The following KIF24 variants were observed in gnomAD, a reference collection of about 807,000 sequenced individuals.
KIF24 encodes the protein kinesin family member 24.
Under a neutral mutation model 118.9 loss-of-function variants are expected in KIF24, and 81 were observed. The ratio of observed to expected loss-of-function variants is 0.68; its 90% CI spans 0.57 to 0.82. The LOEUF is 0.82. Ranked by LOEUF, KIF24 falls within the 40% of genes least tolerant of loss-of-function variation. The pLI is 0.00. For missense variants in KIF24, 1,560 were observed against 1,661.6 expected (o/e 0.94, Z 1.06); for synonymous variants, 599 against 610.0 (o/e 0.98, Z 0.27).
intron 6 of KIF24, among the ~76,000 whole-genome samples, chr9:34,278,868 GCA>G (rs1835748791): frequency 6.6e-6 from 1 of 152,188 alleles, no homozygotes; most frequent in African/African-American, 2.4e-5. Context: ...TGTAATCCCA[GCA>G]CTTTGGGAGG....
At chr9:34,296,936 G>C in intron 4 of KIF24, 81 bp downstream of exon 4, 1 of 676,390 alleles carries the variant, frequency 1.5e-6, no homozygotes, top group South Asian at 1.9e-5. Flanking sequence ...GTACTGAAAA[G>C]CATGTGATAT....
intron 7 of KIF24, among the ~76,000 whole-genome samples, chr9:34,269,931 T>A (rs773683707): frequency 1.3e-5 from 2 of 151,166 alleles, no homozygotes; most frequent in South Asian, 4.2e-4. Context: ...TCTTAAAAAA[T>A]TCTAAAAACT....
At chr9:34,319,285 G>A in intron 1 of KIF24, 1 of 1,079,918 alleles carries the variant, frequency 9.3e-7, no homozygotes, top group Admixed American at 1.7e-5. Flanking sequence ...GATCTGGATG[G>A]GGAAGAAGCA....
intron 3 of KIF24, among the ~76,000 whole-genome samples, chr9:34,303,128 T>C (rs2131794858): frequency 6.6e-6 from 1 of 152,002 alleles, no homozygotes; most frequent in East Asian, 1.9e-4. Context: ...TTACCCAGGC[T>C]GGTTTTGAAC....
At chr9:34,259,445 C>T (rs1391623558) in intron 10 of KIF24, 151 bp downstream of exon 10, 1 of 583,464 alleles carries the variant, frequency 1.7e-6, no homozygotes, top group African/African-American at 1.9e-5. Context: ...GGCTGTGGCG[C>T]TCAAGGTCAG....
At position 34,255,732 on chromosome 9, in the gene KIF24, T is replaced by TA. The variant is rs1209390573; in HGVS notation, c.3872+2dup. The TA allele has an allele frequency of 5.6e-6, 9 of 1,604,672 alleles. No individual in the cohort carries two copies. The highest frequency in any genetic ancestry group is 2.7e-5 in the African/African-American group (2 of 74,826). ...CAAGTCTTAGGGAAAGTGTCCAACT[T>TA]ACTGCGCTTGCTCCAGGGTGGGCTG... On this transcript the variant is annotated splice_region_variant and intron_variant, in intron 11 of 12. Coordinates refer to ENST00000402558, the MANE Select transcript of KIF24 (RefSeq NM_194313.4).
Position 34,256,171 on chromosome 9 carries a change from T to G in KIF24, c.3436A>C (p.Arg1146=), listed in dbSNP as rs1469063452. The part of the protein sequence containing the change: ...RQHPADKLPS[R]EADLGEACQS... ...CAGGCCTCTCCTAGGTCTGCCTCCC[T>G]GCTGGGCAGCTTGTCAGCTGGGTGC... Residue 1146 remains arginine, a synonymous_variant, in exon 11 of 13, where the codon AGG becomes CGG. Transcript: ENST00000402558. 9 of 1,604,180 alleles carry G rather than the reference T, an allele frequency of 5.6e-6. No homozygotes were observed. The South Asian group carries it at 7.8e-5, about 14-fold the overall frequency.
At chr9:34,291,510 C>G (rs973136873) in intron 4 of KIF24, among the ~76,000 whole-genome samples, 11 of 152,206 alleles carry the variant, frequency 7.2e-5, no homozygotes, top group Non-Finnish European at 1.2e-4. Context: ...TTGTGATGCC[C>G]TATGATTCTA....
chr9:34,307,206 T>C (rs909892324), intron 2 of KIF24, among the ~76,000 whole-genome samples: 1 of 152,112 alleles, frequency 6.6e-6, no homozygotes, highest in Non-Finnish European at 1.5e-5. Context: ...GCTAGGACTA[T>C]AGCATACAAC....
intron 3 of KIF24, among the ~76,000 whole-genome samples, chr9:34,299,936 G>A (rs1836636019): frequency 6.6e-6 from 1 of 151,954 alleles, no homozygotes; most frequent in South Asian, 2.1e-4. Context: ...CATACACCAT[G>A]AATGACAGAT....
At chr9:34,305,166 A>G (rs1454811967) in intron 3 of KIF24, among the ~76,000 whole-genome samples, 1 of 152,224 alleles carries the variant, frequency 6.6e-6, no homozygotes, top group African/African-American at 2.4e-5. Flanking sequence ...TCAGCTTGGA[A>G]TAAGTTTCTT....
chr9:34,296,231 A>C (rs950899469), intron 4 of KIF24, among the ~76,000 whole-genome samples: 3 of 137,646 alleles, frequency 2.2e-5, no homozygotes, highest in East Asian at 2.2e-4. Context: ...AAAAAAAAAA[A>C]AAAACATCTA....
rs1488744860 is a variant in KIF24, at chr9:34,259,704, A to G, written c.1517T>C (p.Val506Ala). The change falls in exon 10 of 13, where the codon GTC (valine) becomes GCC (alanine). Residue 506 changes from valine (V) to alanine (A), a missense_variant and splice_region_variant. Around this residue, in one of 3 missense-constraint regions of KIF24, gnomAD observed 964 missense variants for 988.0 expected, o/e 0.98. Transcript: ENST00000402558. Reference protein sequence around the residue: ...TPFRQSKLTQVLKDSFIGNAK... With the variant: ...TPFRQSKLTQALKDSFIGNAK... Reference sequence around the variant, plus strand: ...ATTGCCGATGAAAGAGTCCTTCAGGACCTGTCCAAAACAGAAGGCAGGTCA... The same window carrying G: ...ATTGCCGATGAAAGAGTCCTTCAGGGCCTGTCCAAAACAGAAGGCAGGTCA... 6.2e-7 allele frequency: 1 copy of G among 1,610,420 alleles called. No individual in the cohort carries two copies. The highest frequency in any genetic ancestry group is 1.7e-4 in the Middle Eastern group (1 of 6,054).
chr9:34,253,876 C>T lies in KIF24; in HGVS notation c.*504G>A, dbSNP rs1400376602. On this transcript the variant is annotated 3_prime_UTR_variant, in exon 13 of 13. Coordinates refer to ENST00000402558, the MANE Select transcript of KIF24 (RefSeq NM_194313.4). ...AGGGCTGATGGGGCAGAGCTCACCC[C>T]ACCCCTGTCCCCCTAGCACCAATGG... 1 of 152,654 alleles carries T rather than the reference C, an allele frequency of 6.6e-6. No individual in the cohort carries two copies. Among genetic ancestry groups the T allele is most frequent in the African/African-American group, 2.4e-5 (1 of 41,474 alleles). 9.5% of individuals were successfully genotyped at this position (152,654 alleles called of 1,614,324 possible). A position where few individuals can be genotyped will look rare whatever the true frequency, so the allele number is the denominator to read the frequency against.
chr9:34,299,823 CGTGTGTGTGT>C (rs34056151), intron 3 of KIF24, among the ~76,000 whole-genome samples: 71 of 133,264 alleles, frequency 5.3e-4, no homozygotes, highest in Middle Eastern at 8.0e-3. Flanking sequence ...TGTGTGTGTG[CGTGTGTGTGT>C]GTGTGTGTGT....
At chr9:34,302,502 G>T (rs1162955795) in intron 3 of KIF24, among the ~76,000 whole-genome samples, 1 of 149,040 alleles carries the variant, frequency 6.7e-6, no homozygotes, top group Non-Finnish European at 1.5e-5. Context: ...GTCTCACTCT[G>T]TTGCCCAGGC....
At position 34,290,245 on chromosome 9, in the gene KIF24, G is replaced by A; in HGVS notation, c.1056C>T (p.His352=). The change falls in exon 5 of 13, where the codon CAC becomes CAT. Residue 352 remains histidine (H), a synonymous_variant. Transcript: ENST00000402558. ...CATAGAAGCTGATCCACACAAAGAGGTGCTTTCTTGGCTGGGACACTTCTA... is the reference window on the plus strand; with the variant it reads ...CATAGAAGCTGATCCACACAAAGAGATGCTTTCTTGGCTGGGACACTTCTA... ...RQLEVSQPRK[H]LFVWISFYEI... is the part of the protein sequence containing the mutation. 2 of 1,613,938 alleles carry A rather than the reference G, an allele frequency of 1.2e-6. No individual in the cohort carries two copies. Among genetic ancestry groups the A allele is most frequent in the Non-Finnish European group, 1.7e-6 (2 of 1,179,860 alleles).
chr9:34,330,209 C>T (rs956554008), upstream of KIF24, among the ~76,000 whole-genome samples: 1 of 152,242 alleles, frequency 6.6e-6, no homozygotes, highest in South Asian at 2.1e-4. Flanking sequence ...CGAGACCATC[C>T]TGGCTAACAC....
chr9:34,333,580 G>C (rs1231252678), upstream of KIF24, among the ~76,000 whole-genome samples: 1 of 136,296 alleles, frequency 7.3e-6, no homozygotes, highest in Non-Finnish European at 1.5e-5. Flanking sequence ...GTGAGCTCTT[G>C]AGGCTGCAGT....
Sources: gnomAD v4.1 joint callset for allele counts (sites outside exome capture counted in the v4.1 genomes callset) on GRCh38, gnomAD v4.1.1 for gene constraint, gnomAD v4.1.1 regional missense constraint, MANE v1.5 for transcripts, NCBI Gene and HGNC (gene_info 2026-07-23, HGNC 2026-07-21) for gene names.